AOPEP: variants seen among roughly 807,000 people sequenced by gnomAD.
The protein encoded by AOPEP is aminopeptidase O.
AOPEP carries 77 observed loss-of-function variants against 98.1 expected under a neutral mutation model. That is an observed-to-expected ratio of 0.78 (90% CI 0.65 to 0.95). The LOEUF (loss-of-function observed/expected upper bound fraction) is 0.95. Ranked by LOEUF, AOPEP falls within the 40% of genes least tolerant of loss-of-function variation. AOPEP has a pLI of 0.00. For synonymous variants in AOPEP, 346 were observed against 365.3 expected (o/e 0.95, Z 0.60); for missense variants, 1,024 against 1,024.7 (o/e 1.00, Z 0.01).
At chr9:94,975,835 G>A (rs915323405) in intron 10 of AOPEP, among the ~76,000 whole-genome samples, 7 of 152,232 alleles carry the variant, frequency 4.6e-5, no homozygotes, top group African/African-American at 1.4e-4. Flanking sequence ...AGCAGGGACT[G>A]CAGAGTCCCC....
intron 7 of AOPEP, among the ~76,000 whole-genome samples, chr9:94,950,894 C>T (rs957154454): frequency 1.3e-5 from 2 of 152,196 alleles, no homozygotes; most frequent in African/African-American, 4.8e-5. Context: ...TTTCTCAAAT[C>T]CCACCCTTGG....
At chr9:95,010,635 T>TA (rs1333857188) in intron 13 of AOPEP, among the ~76,000 whole-genome samples, 1 of 152,240 alleles carries the variant, frequency 6.6e-6, no homozygotes, top group Non-Finnish European at 1.5e-5. Flanking sequence ...CGTAATCTCT[T>TA]ACAATAGCTT....
chr9:94,973,758 T>G (rs1487144657), intron 10 of AOPEP, among the ~76,000 whole-genome samples: 5 of 152,190 alleles, frequency 3.3e-5, no homozygotes, highest in Admixed American at 3.3e-4. Context: ...TACTTTTAGC[T>G]CTCTGTATAA....
At chr9:94,933,660 T>G in intron 7 of AOPEP, 2 of 985,420 alleles carry the variant, frequency 2.0e-6, no homozygotes, top group Non-Finnish European at 2.4e-6. Context: ...CAAAATAAAG[T>G]CTGCATGCCA....
intron 5 of AOPEP, among the ~76,000 whole-genome samples, chr9:94,889,781 T>C (rs887115760): frequency 1.3e-5 from 2 of 152,208 alleles, no homozygotes; most frequent in Non-Finnish European, 2.9e-5. Flanking sequence ...AATGTGCCGT[T>C]TTACATTTCT....
At chr9:95,034,121 T>A (rs1332111567) in intron 13 of AOPEP, among the ~76,000 whole-genome samples, 1 of 152,258 alleles carries the variant, frequency 6.6e-6, no homozygotes, top group Non-Finnish European at 1.5e-5. Context: ...CTGACGTTGA[T>A]ACTGCTTTAT....
At chr9:94,993,381 G>C (rs1191651372) in intron 11 of AOPEP, among the ~76,000 whole-genome samples, 1 of 151,802 alleles carries the variant, frequency 6.6e-6, no homozygotes, top group Admixed American at 6.6e-5. Flanking sequence ...AGAGCACTTC[G>C]TGTTTTATGC....
At chr9:95,107,098 C>T in the AOPEP span, 13 of 1,614,188 alleles carry the variant, frequency 8.1e-6, no homozygotes, top group Non-Finnish European at 1.1e-5. Context: ...ATCGTGTGGC[C>T]TCCAGGAGCC....
chr9:95,099,071 T>TTTTA, the AOPEP span: 1 of 188,074 alleles, frequency 5.3e-6, no homozygotes, highest in African/African-American at 2.3e-5. Flanking sequence ...CAAACTGAAG[T>TTTTA]TTTATTTAGA....
chr9:95,061,167 T>C (rs1026193678), intron 14 of AOPEP, among the ~76,000 whole-genome samples: 10 of 152,234 alleles, frequency 6.6e-5, no homozygotes, highest in Non-Finnish European at 2.9e-5. Flanking sequence ...TCAGAGCTTC[T>C]TGGTTGCATT....
intron 5 of AOPEP, among the ~76,000 whole-genome samples, chr9:94,849,136 G>C (rs1473853017): frequency 1.3e-5 from 2 of 152,224 alleles, no homozygotes; most frequent in Non-Finnish European, 2.9e-5. Flanking sequence ...GGGGCAGGGG[G>C]TAGGAATAGT....
chr9:94,849,302 G>C (rs937722720), intron 5 of AOPEP, among the ~76,000 whole-genome samples: 1 of 152,146 alleles, frequency 6.6e-6, no homozygotes, highest in South Asian at 2.1e-4. Context: ...CCAAAGATTG[G>C]TTTTAGGGTT....
chr9:94,793,708 G>C (rs1354447226), intron 4 of AOPEP, among the ~76,000 whole-genome samples: 1 of 151,706 alleles, frequency 6.6e-6, no homozygotes, highest in Non-Finnish European at 1.5e-5. Flanking sequence ...AGAAAGGAAA[G>C]CGAGTTGAGA....
chr9:95,033,263 T>A (rs1362020638), intron 13 of AOPEP, among the ~76,000 whole-genome samples: 3 of 152,196 alleles, frequency 2.0e-5, no homozygotes, highest in Non-Finnish European at 4.4e-5. Context: ...CTCTTTCTAG[T>A]ACTAACGTCT....
chr9:95,104,470 G>A, the AOPEP span, among the ~76,000 whole-genome samples: 1 of 152,144 alleles, frequency 6.6e-6, no homozygotes, highest in Admixed American at 6.5e-5. Context: ...GAGGGTTCCC[G>A]TGTGGATCCG....
intron 9 of AOPEP, among the ~76,000 whole-genome samples, chr9:94,966,941 A>G (rs1447234458): frequency 1.3e-5 from 2 of 152,198 alleles, no homozygotes; most frequent in Non-Finnish European, 2.9e-5. Flanking sequence ...GGTATGTTTT[A>G]AGAGTAAATA....
chr9:94,842,535 TC>T (rs1303233776), intron 5 of AOPEP, among the ~76,000 whole-genome samples: 1 of 152,232 alleles, frequency 6.6e-6, no homozygotes, highest in Non-Finnish European at 1.5e-5. Context: ...GAAAATCTCA[TC>T]AGACAATCCT....
intron 7 of AOPEP, among the ~76,000 whole-genome samples, chr9:94,942,904 CA>C (rs35186299): frequency 0.35 from 29,029 of 83,350 alleles, 1,934 homozygotes; most frequent in Middle Eastern, 0.42. Flanking sequence ...GAGTCTGTCT[CA>C]AAAAAAAAAA....
chr9:94,779,463 G>C (rs1204042760), intron 3 of AOPEP, among the ~76,000 whole-genome samples: 1 of 151,960 alleles, frequency 6.6e-6, no homozygotes, highest in Non-Finnish European at 1.5e-5. Flanking sequence ...CTTTTTAGAG[G>C]GAAAGGTCTC....
Sources: gnomAD v4.1 joint callset for allele counts (sites outside exome capture counted in the v4.1 genomes callset) on GRCh38, gnomAD v4.1.1 for gene constraint, MANE v1.5 for transcripts, NCBI Gene and HGNC (gene_info 2026-07-23, HGNC 2026-07-21) for gene names.